Variants in ZFHX3 observed in about 807,000 individuals in gnomAD.
ZFHX3 encodes the protein zinc finger homeobox 3, also known as zinc finger homeobox protein 3.
Under a neutral mutation model 279.1 loss-of-function variants are expected in ZFHX3, and 42 were observed. The ratio of observed to expected loss-of-function variants is 0.15; its 90% confidence interval spans 0.12 to 0.19. ZFHX3 has a LOEUF of 0.19. Among genes scored for constraint, ZFHX3 ranks in the 10% least tolerant of loss-of-function variants. The pLI, the probability that ZFHX3 is intolerant of heterozygous loss-of-function variation, is 1.00. For synonymous variants in ZFHX3, 2,293 were observed against 1,957.8 expected (o/e 1.17, Z -4.52); for missense variants, 4,981 against 4,754.0 (o/e 1.05, Z -1.40).
intron 3 of ZFHX3, among the ~76,000 whole-genome samples, chr16:73,328,404 A>C (rs1373791129): frequency 2.0e-5 from 3 of 152,260 alleles, no homozygotes; most frequent in African/African-American, 7.2e-5. Flanking sequence ...TCCACAAGAC[A>C]CTAGTAGTAG....
chr16:72,810,292 T>A (rs1303765645), intron 7 of ZFHX3, among the ~76,000 whole-genome samples: 1 of 152,144 alleles, frequency 6.6e-6, no homozygotes, highest in Non-Finnish European at 1.5e-5. Context: ...TTCAAGTGAT[T>A]CTCCTGCCTC....
chr16:72,834,581 C>T (rs1319112705), intron 4 of ZFHX3, among the ~76,000 whole-genome samples: 2 of 152,166 alleles, frequency 1.3e-5, no homozygotes, highest in African/African-American at 4.8e-5. Context: ...ACAATTCCCC[C>T]ATCGGTGGTG....
chr16:73,572,103 C>A (rs1484166176), intron 2 of ZFHX3, among the ~76,000 whole-genome samples: 1 of 150,138 alleles, frequency 6.7e-6, no homozygotes, highest in East Asian at 2.0e-4. Context: ...GAATAATTCC[C>A]TAATGCCACT....
chr16:73,492,747 C>A (rs1350287305), intron 2 of ZFHX3, among the ~76,000 whole-genome samples: 1 of 152,200 alleles, frequency 6.6e-6, no homozygotes, highest in African/African-American at 2.4e-5. Context: ...TATTATATTG[C>A]TTCTAAAGTC....
At chr16:73,297,483 T>C (rs957125218) in intron 4 of ZFHX3, among the ~76,000 whole-genome samples, 2 of 152,018 alleles carry the variant, frequency 1.3e-5, no homozygotes, top group African/African-American at 4.8e-5. Flanking sequence ...ATCCAACCCC[T>C]ATTTTTAGTC....
intron 7 of ZFHX3, among the ~76,000 whole-genome samples, chr16:73,119,579 T>A (rs1966472697): frequency 1.3e-5 from 2 of 152,260 alleles, no homozygotes; most frequent in Admixed American, 1.3e-4. Flanking sequence ...CCGTGTGGCC[T>A]GCTTTACCTT....
intron 5 of ZFHX3, among the ~76,000 whole-genome samples, chr16:73,159,198 T>C (rs563628012): frequency 6.6e-6 from 1 of 152,312 alleles, no homozygotes; most frequent in Non-Finnish European, 1.5e-5. Flanking sequence ...AGATCTAATA[T>C]CCAGCATCTA....
At chr16:73,186,302 G>A (rs991605102) in intron 5 of ZFHX3, among the ~76,000 whole-genome samples, 1 of 152,128 alleles carries the variant, frequency 6.6e-6, no homozygotes, top group Non-Finnish European at 1.5e-5. Context: ...GTGCCAAAAA[G>A]ATTTGGGACT....
At chr16:73,326,912 A>G (rs949380366) in intron 3 of ZFHX3, among the ~76,000 whole-genome samples, 5 of 152,228 alleles carry the variant, frequency 3.3e-5, no homozygotes, top group Admixed American at 1.3e-4. Context: ...CAAACGCATC[A>G]AAGTCCATAT....
chr16:73,375,522 A>G (rs1597307304), intron 3 of ZFHX3, among the ~76,000 whole-genome samples: 2 of 152,330 alleles, frequency 1.3e-5, no homozygotes, highest in East Asian at 3.9e-4. Context: ...AATTGTAGAC[A>G]CACACACACT....
In ZFHX3 at chr16:72,787,159, A is replaced by G. The variant is rs1450874622; in HGVS notation, c.*5T>C. 2.8e-5 allele frequency: 42 copies of G among 1,497,982 alleles called. No homozygotes were observed. Among genetic ancestry groups the G allele is most frequent in the Non-Finnish European group, 3.6e-5 (40 of 1,117,546 alleles). The allele number at this position is 1,497,982 out of a possible 1,614,324, so 92.8% of individuals were successfully genotyped here. ...TCATTTGTTTGTATTGTTCATCTTCAAAGCTTACAATCTGAAGGTGTCCGT... is the reference window on the plus strand; with the variant it reads ...TCATTTGTTTGTATTGTTCATCTTCGAAGCTTACAATCTGAAGGTGTCCGT... On this transcript the variant is annotated 3_prime_UTR_variant, in exon 10 of 10. Transcript: ENST00000268489.
At chr16:73,683,676 G>T (rs1170989835) in intron 1 of ZFHX3, among the ~76,000 whole-genome samples, 3 of 151,978 alleles carry the variant, frequency 2.0e-5, no homozygotes, top group Admixed American at 1.3e-4. Context: ...TGAGTAGCGG[G>T]GATTACATGT....
chr16:73,457,564 G>A (rs2018395002), intron 2 of ZFHX3, among the ~76,000 whole-genome samples: 2 of 152,156 alleles, frequency 1.3e-5, no homozygotes, highest in African/African-American at 4.8e-5. Flanking sequence ...CTTGAGGCCA[G>A]GAGTTCAAGA....
At chr16:73,227,973 C>A (rs1335033804) in intron 5 of ZFHX3, among the ~76,000 whole-genome samples, 1 of 149,202 alleles carries the variant, frequency 6.7e-6, no homozygotes, top group Non-Finnish European at 1.5e-5. Flanking sequence ...ACACCTATAA[C>A]TTTATTTAAC....
upstream of ZFHX3, among the ~76,000 whole-genome samples, chr16:73,062,740 A>G (rs1242288187): frequency 6.6e-6 from 1 of 151,910 alleles, no homozygotes; most frequent in African/African-American, 2.4e-5. Flanking sequence ...AAGGAAGAAA[A>G]AAGAAAACCC....
At chr16:73,651,635 G>A (rs9935642) in intron 2 of ZFHX3, among the ~76,000 whole-genome samples, 4 of 136,076 alleles carry the variant, frequency 2.9e-5, no homozygotes, top group Non-Finnish European at 6.1e-5. Flanking sequence ...AGGGGATCGA[G>A]ACCATCCTGG....
chr16:72,930,698 A>C (rs1438531456), intron 3 of ZFHX3, among the ~76,000 whole-genome samples: 2 of 152,244 alleles, frequency 1.3e-5, no homozygotes, highest in Non-Finnish European at 2.9e-5. Context: ...ATACATTTAG[A>C]AATACTCATA....
rs186587226 is a variant in ZFHX3, at chr16:73,408,961, C to T, written c.-1291+47042G>A. On this transcript the variant is annotated intron_variant, in intron 3 of 17. Transcript: ENST00000641206. ...CCGCCAAAAAAAATGTTGGCTCTCT[C>T]CCCATTCATTTCAGGATGGCCTTGT... Among the ~76,000 whole-genome samples the T allele has an allele frequency of 7.6e-4, 115 of 152,262 alleles. 1 individual carries two copies. The highest frequency in any genetic ancestry group is 2.6e-3 in the African/African-American group (108 of 41,562).
chr16:73,190,340 T>C (rs937613574), intron 5 of ZFHX3, among the ~76,000 whole-genome samples: 5 of 152,150 alleles, frequency 3.3e-5, no homozygotes, highest in African/African-American at 7.2e-5. Flanking sequence ...GAAACAATTA[T>C]AGGAATAAAA....
Sources: gnomAD v4.1 joint callset for allele counts (sites outside exome capture counted in the v4.1 genomes callset) on GRCh38, gnomAD v4.1.1 for gene constraint, MANE v1.5 for transcripts, NCBI Gene and HGNC (gene_info 2026-07-23, HGNC 2026-07-21) for gene names.